Variants in PAK5 observed in about 807,000 individuals in gnomAD.
The protein encoded by PAK5 is serine/threonine-protein kinase PAK 5.
PAK5 carries 16 observed loss-of-function variants against 65.9 expected under a neutral mutation model. The observed-to-expected ratio is 0.24, with a 90% CI of 0.16 to 0.37. The LOEUF (loss-of-function observed/expected upper bound fraction) is 0.37, where lower values mean the gene tolerates loss of function less well. PAK5 is among the 10% of genes least tolerant of loss of function. The pLI is 1.00. For missense variants in PAK5, 785 were observed against 903.9 expected (o/e 0.87, Z 1.69); for synonymous variants, 371 against 354.9 (o/e 1.05, Z -0.51).
chr20:9,737,281 GA>G (rs2048400440), intron 1 of PAK5, among the ~76,000 whole-genome samples: 1 of 152,112 alleles, frequency 6.6e-6, no homozygotes, highest in Non-Finnish European at 1.5e-5. Context: ...TGTATAGATA[GA>G]CACAAATAAA....
Position 9,558,996 on chromosome 20 carries a change from C to T in PAK5, c.1617-1262G>A, listed in dbSNP as rs147764283. 5.1e-3 allele frequency among the ~76,000 whole-genome samples: 770 copies of T among 152,256 alleles called. 4 individuals carry two copies. The highest frequency in any genetic ancestry group is 0.033 in the East Asian group (168 of 5,158). On this transcript the variant is annotated intron_variant, in intron 6 of 9. Transcript: ENST00000353224. Reference sequence around the variant, plus strand: ...TTTTTAGTCCAGAACGCACGCTTTCCGACTTTCCCACTTTCCCATTTTCCC... The same window carrying T: ...TTTTTAGTCCAGAACGCACGCTTTCTGACTTTCCCACTTTCCCATTTTCCC...
At chr20:9,674,399 A>T (rs1045450224) in intron 2 of PAK5, among the ~76,000 whole-genome samples, 1 of 152,196 alleles carries the variant, frequency 6.6e-6, no homozygotes, top group Non-Finnish European at 1.5e-5. Flanking sequence ...AAGTCAGTGT[A>T]CTTGGGGATC....
chr20:9,545,899 C>T (rs1568954839), intron 7 of PAK5, among the ~76,000 whole-genome samples: 1 of 152,024 alleles, frequency 6.6e-6, no homozygotes, highest in Non-Finnish European at 1.5e-5. Context: ...GTCTCTATCT[C>T]ACCCCAAGTC....
chr20:9,818,124 C>A (rs1277465681), intron 1 of PAK5, among the ~76,000 whole-genome samples: 1 of 152,100 alleles, frequency 6.6e-6, no homozygotes, highest in Non-Finnish European at 1.5e-5. Context: ...AACAAAATAC[C>A]CTGCTAAGTC....
chr20:9,590,658 G>A (rs1223422859), intron 3 of PAK5, among the ~76,000 whole-genome samples: 1 of 151,490 alleles, frequency 6.6e-6, no homozygotes, highest in African/African-American at 2.4e-5. Context: ...CCCAAAAGCT[G>A]AATGTGGTTT....
At chr20:9,596,880 C>T (rs1315233959) in intron 3 of PAK5, among the ~76,000 whole-genome samples, 3 of 152,128 alleles carry the variant, frequency 2.0e-5, no homozygotes, top group East Asian at 3.9e-4. Context: ...CCAGGTATCT[C>T]CTTAAACAGC....
intron 1 of PAK5, among the ~76,000 whole-genome samples, chr20:9,816,434 CA>C (rs2049358189): frequency 6.6e-6 from 1 of 152,060 alleles, no homozygotes; most frequent in Admixed American, 6.6e-5. Flanking sequence ...GGAGTGTTTC[CA>C]GAAGAAATTT....
At chr20:9,544,573 T>G (rs928283455) in intron 7 of PAK5, 79 bp from the exon 8 acceptor site, 1 of 1,381,804 alleles carries the variant, frequency 7.2e-7, no homozygotes, top group Non-Finnish European at 1.0e-6. Context: ...CATACAGAGT[T>G]TCAAATTTAA....
intron 1 of PAK5, among the ~76,000 whole-genome samples, chr20:9,749,005 C>T (rs113628783): frequency 1.9e-4 from 29 of 152,066 alleles, no homozygotes; most frequent in African/African-American, 4.3e-4. Context: ...CCTCCATTAC[C>T]GCAGGTTAGT....
chr20:9,776,709 A>T (rs2048890581), intron 1 of PAK5, among the ~76,000 whole-genome samples: 1 of 152,114 alleles, frequency 6.6e-6, no homozygotes, highest in South Asian at 2.1e-4. Context: ...GTCAAGACCC[A>T]TGTGAATGAG....
In PAK5 at chr20:9,644,195, T is replaced by G; in HGVS notation, c.134A>C (p.Asp45Ala). ...LPQQWHSLLA[D>A]TANRPKPMVD... is the part of the protein sequence containing the mutation. ...CATAGGCTTTGGCCTGTTGGCCGTA[T>G]CTGCTAACAGGCTGTGCCACTGCTG... Residue 45 changes from aspartate to alanine, a missense_variant, in exon 3 of 10, where the codon GAT becomes GCT. This residue lies in a region of PAK5 where 71 missense variants were observed against 110.2 expected (regional missense o/e 0.64). Transcript: ENST00000353224. 1.9e-6 allele frequency: 3 copies of G among 1,611,238 alleles called. No individual in the cohort carries two copies. The highest frequency in any genetic ancestry group is 2.5e-6 in the Non-Finnish European group (3 of 1,179,092).
chr20:9,736,968 A>C (rs2048396551), intron 1 of PAK5, among the ~76,000 whole-genome samples: 1 of 152,214 alleles, frequency 6.6e-6, no homozygotes, highest in Non-Finnish European at 1.5e-5. Context: ...TCTTATTAGA[A>C]ACAGTGCAAA....
chr20:9,804,523 T>C (rs1046792921), intron 1 of PAK5, among the ~76,000 whole-genome samples: 1 of 152,130 alleles, frequency 6.6e-6, no homozygotes, highest in African/African-American at 2.4e-5. Flanking sequence ...TACAAAAGAA[T>C]AAATTTGACC....
At chr20:9,724,246 T>C (rs1010223690) in intron 1 of PAK5, among the ~76,000 whole-genome samples, 1 of 152,216 alleles carries the variant, frequency 6.6e-6, no homozygotes, top group Non-Finnish European at 1.5e-5. Context: ...CAAAGTATGA[T>C]ATTTTTAAGA....
intron 1 of PAK5, among the ~76,000 whole-genome samples, chr20:9,797,195 G>A (rs1262145277): frequency 1.3e-5 from 2 of 151,830 alleles, no homozygotes; most frequent in Non-Finnish European, 2.9e-5. Context: ...CTTCTTTTGA[G>A]AAGTGTCTGT....
At chr20:9,639,218 T>G (rs1359334535) in intron 3 of PAK5, among the ~76,000 whole-genome samples, 2 of 152,222 alleles carry the variant, frequency 1.3e-5, no homozygotes, top group Non-Finnish European at 2.9e-5. Flanking sequence ...ACAAACTATA[T>G]AACATAGTTT....
chr20:9,607,557 C>T (rs565105806), intron 3 of PAK5, among the ~76,000 whole-genome samples: 20 of 152,156 alleles, frequency 1.3e-4, no homozygotes, highest in East Asian at 3.9e-4. Flanking sequence ...GCAGGCATGG[C>T]GGCTCACACC....
At chr20:9,704,792 T>C (rs530852507) in intron 2 of PAK5, among the ~76,000 whole-genome samples, 14 of 152,196 alleles carry the variant, frequency 9.2e-5, no homozygotes, top group African/African-American at 3.4e-4. Flanking sequence ...TGCATTACCA[T>C]GAAGAAATAC....
rs2045678900 is a variant in PAK5, at chr20:9,566,286, T to C, written c.1089A>G (p.Lys363=). The change falls in exon 5 of 10, where the codon AAA becomes AAG. Residue 363 remains lysine (K), a synonymous_variant. Coordinates refer to ENST00000353224, the MANE Select transcript of PAK5 (RefSeq NM_177990.4). ...GPAKLPQSQS[K]SGYSSSSHQY... The stretch of plus-strand genomic sequence containing the variant: ...GGTGACTGCTTGAGGAATAGCCCGA[T>C]TTGCTTTGACTTTGAGGTAGTTTGG... 5 of 1,613,598 alleles carry C rather than the reference T, an allele frequency of 3.1e-6. No homozygotes were observed. Among genetic ancestry groups the C allele is most frequent in the Non-Finnish European group, 4.2e-6 (5 of 1,179,974 alleles).
Sources: allele counts gnomAD v4.1 joint callset (sites outside exome capture counted in the v4.1 genomes callset), GRCh38; gene constraint gnomAD v4.1.1; regional missense constraint gnomAD v4.1.1; transcripts MANE v1.5; gene names NCBI Gene and HGNC (gene_info 2026-07-23, HGNC 2026-07-21).